The following DPYD variants were observed in gnomAD, a reference collection of about 807,000 sequenced individuals.
DPYD encodes the protein dihydropyrimidine dehydrogenase.
DPYD carries 109 observed loss-of-function variants against 116.2 expected under a neutral mutation model. That is an observed-to-expected ratio of 0.94 (90% CI 0.80 to 1.10). The LOEUF (loss-of-function observed/expected upper bound fraction) is 1.10. DPYD is among the 50% of genes least tolerant of loss of function. The pLI is 0.00. For missense variants in DPYD, 1,302 were observed against 1,254.5 expected (o/e 1.04, Z -0.57); for synonymous variants, 440 against 432.0 (o/e 1.02, Z -0.23).
At chr1:97,272,769 T>G (rs968769847) in intron 18 of DPYD, among the ~76,000 whole-genome samples, 3 of 152,116 alleles carry the variant, frequency 2.0e-5, no homozygotes, top group African/African-American at 7.2e-5. Flanking sequence ...CTATTTCATA[T>G]CTTTCTGATG....
intron 16 of DPYD, among the ~76,000 whole-genome samples, chr1:97,347,356 T>C (rs1669911937): frequency 1.3e-5 from 2 of 152,036 alleles, no homozygotes; most frequent in Non-Finnish European, 2.9e-5. Flanking sequence ...CTACCAAACA[T>C]ATTTTCCGTA....
At chr1:97,391,960 T>C (rs977185707) in intron 14 of DPYD, among the ~76,000 whole-genome samples, 9 of 150,974 alleles carry the variant, frequency 6.0e-5, no homozygotes, top group Admixed American at 4.7e-4. Context: ...AAAGGAAACA[T>C]GAAAATTGAT....
intron 6 of DPYD, among the ~76,000 whole-genome samples, chr1:97,693,506 T>C (rs1661141953): frequency 6.6e-6 from 1 of 152,022 alleles, no homozygotes; most frequent in Admixed American, 6.6e-5. Flanking sequence ...TGTGCCAGAA[T>C]GCTCTGGGCA....
At chr1:97,750,967 G>A (rs2101097157) in intron 3 of DPYD, among the ~76,000 whole-genome samples, 1 of 152,074 alleles carries the variant, frequency 6.6e-6, no homozygotes, top group Non-Finnish European at 1.5e-5. Context: ...GGGCTGAGGT[G>A]GATGAAAAGA....
intron 3 of DPYD, among the ~76,000 whole-genome samples, chr1:97,825,301 CCT>C (rs528592571): frequency 6.6e-5 from 10 of 152,120 alleles, no homozygotes; most frequent in African/African-American, 1.7e-4. Flanking sequence ...GGCTAAGAAT[CCT>C]CTCTTTTCTG....
chr1:97,429,399 A>G (rs1488187542), intron 14 of DPYD, among the ~76,000 whole-genome samples: 1 of 152,086 alleles, frequency 6.6e-6, no homozygotes, highest in East Asian at 1.9e-4. Context: ...AAATAACTTC[A>G]GCATACATTC....
intron 14 of DPYD, among the ~76,000 whole-genome samples, chr1:97,442,521 AT>A (rs1348907813): frequency 1.3e-5 from 2 of 151,568 alleles, no homozygotes; most frequent in Admixed American, 1.3e-4. Context: ...AATATATTTT[AT>A]TTTTTTCTTT....
chr1:97,751,444 GTGTGTGTGTGTGTGTGTATATATATA>G (rs1189966356), intron 3 of DPYD, among the ~76,000 whole-genome samples: 6 of 26,586 alleles, frequency 2.3e-4, no homozygotes, highest in Non-Finnish European at 3.7e-4. Flanking sequence ...GTGTGTGTGT[GTGTGTGTGTGTGTGTGTATATATATA>G]TATATATATA....
chr1:97,518,524 T>C (rs895260573), intron 12 of DPYD, among the ~76,000 whole-genome samples: 16 of 152,152 alleles, frequency 1.1e-4, no homozygotes, highest in African/African-American at 3.9e-4. Flanking sequence ...CAAGGTTAAT[T>C]CCTCCCAAAC....
intron 18 of DPYD, among the ~76,000 whole-genome samples, chr1:97,291,623 T>C (rs1255288175): frequency 6.7e-6 from 1 of 150,308 alleles, no homozygotes; most frequent in African/African-American, 2.5e-5. Flanking sequence ...CACTCATAGG[T>C]GGGAATTGAA....
chr1:97,397,448 C>T (rs1484535262), intron 14 of DPYD, among the ~76,000 whole-genome samples: 2 of 151,960 alleles, frequency 1.3e-5, no homozygotes, highest in African/African-American at 2.4e-5. Flanking sequence ...TATAATGACA[C>T]GTATCCATTG....
chr1:97,869,825 C>T (rs12060207), intron 2 of DPYD, among the ~76,000 whole-genome samples: 13,925 of 151,726 alleles, frequency 0.092, 749 homozygotes, highest in Admixed American at 0.14. Context: ...ATGTAAGCCC[C>T]TGGGTTTAAC....
chr1:97,637,878 T>C (rs1393479406), intron 8 of DPYD, among the ~76,000 whole-genome samples: 2 of 152,136 alleles, frequency 1.3e-5, no homozygotes, highest in Non-Finnish European at 2.9e-5. Context: ...AAGGATGGAA[T>C]AGAGAACAGA....
intron 14 of DPYD, among the ~76,000 whole-genome samples, chr1:97,404,605 A>G (rs1673547724): frequency 1.3e-5 from 2 of 151,606 alleles, no homozygotes; most frequent in Non-Finnish European, 2.9e-5. Flanking sequence ...TAATATGGCT[A>G]CTCCTGCTAT....
chr1:97,739,044 T>G (rs1460035504), intron 4 of DPYD, among the ~76,000 whole-genome samples: 1 of 152,136 alleles, frequency 6.6e-6, no homozygotes, highest in Admixed American at 6.6e-5. Context: ...AATTCTCATA[T>G]TTCCTCATGC....
At chr1:97,316,378 G>A (rs1293660794) in intron 16 of DPYD, among the ~76,000 whole-genome samples, 2 of 151,186 alleles carry the variant, frequency 1.3e-5, no homozygotes, top group East Asian at 2.0e-4. Flanking sequence ...ACCAGGCATG[G>A]TAACACATAC....
At chr1:97,540,596 T>G (rs1650380401) in intron 12 of DPYD, among the ~76,000 whole-genome samples, 1 of 152,258 alleles carries the variant, frequency 6.6e-6, no homozygotes, top group South Asian at 2.1e-4. Flanking sequence ...TCACCCATAT[T>G]TGTCTATTGG....
intron 8 of DPYD, among the ~76,000 whole-genome samples, chr1:97,627,405 C>T (rs1333183074): frequency 5.9e-5 from 9 of 152,174 alleles, no homozygotes; most frequent in Admixed American, 2.0e-4. Flanking sequence ...AGAACTGATG[C>T]TACCGCCTAA....
intron 19 of DPYD, among the ~76,000 whole-genome samples, chr1:97,210,169 G>A (rs1659944299): frequency 6.6e-6 from 1 of 152,098 alleles, no homozygotes; most frequent in Non-Finnish European, 1.5e-5. Context: ...AAGAAGGAAT[G>A]TTTCCTGAAT....
Sources: allele counts gnomAD v4.1 joint callset (sites outside exome capture counted in the v4.1 genomes callset), GRCh38; gene constraint gnomAD v4.1.1; transcripts MANE v1.5; gene names NCBI Gene and HGNC (gene_info 2026-07-23, HGNC 2026-07-21).